Variants in CCDC171 observed in about 807,000 individuals in gnomAD.
CCDC171 encodes the protein coiled-coil domain containing 171, also known as coiled-coil domain-containing protein 171.
CCDC171 carries 177 observed loss-of-function variants against 168.2 expected under a neutral mutation model. The ratio of observed to expected loss-of-function variants is 1.05; its 90% CI spans 0.93 to 1.19. The LOEUF is 1.19. CCDC171 is among the 50% of genes most tolerant of loss of function. The pLI is 0.00. For synonymous variants in CCDC171, 687 were observed against 540.8 expected (o/e 1.27, Z -3.75); for missense variants, 1,991 against 1,539.0 (o/e 1.29, Z -4.91).
chr9:16,069,968 G>C, the CCDC171 span, among the ~76,000 whole-genome samples: 2 of 152,084 alleles, frequency 1.3e-5, no homozygotes, highest in African/African-American at 2.4e-5. Context: ...TATTCATTCT[G>C]TCCGTCTGCC....
intron 24 of CCDC171, among the ~76,000 whole-genome samples, chr9:15,914,805 G>C (rs3008691): frequency 0.75 from 113,589 of 152,002 alleles, 44,039 homozygotes; most frequent in East Asian, 0.85. Context: ...CTCCTGGTCT[G>C]GGTTGTGAAG....
intron 23 of CCDC171, among the ~76,000 whole-genome samples, chr9:15,851,692 T>A: frequency 6.6e-6 from 1 of 151,930 alleles, no homozygotes; most frequent in African/African-American, 2.4e-5. Flanking sequence ...AACATTTACA[T>A]CACTGCAAAA....
chr9:16,028,533 A>G (rs1229066034), intron 6 of CCDC171, among the ~76,000 whole-genome samples: 2 of 152,318 alleles, frequency 1.3e-5, no homozygotes, highest in Non-Finnish European at 2.9e-5. Context: ...TTTGTTGTTT[A>G]TCTGAAATAA....
chr9:16,021,077 CT>C (rs574172754), intron 4 of CCDC171, among the ~76,000 whole-genome samples: 1 of 152,196 alleles, frequency 6.6e-6, no homozygotes, highest in Non-Finnish European at 1.5e-5. Flanking sequence ...GAATTTTCCA[CT>C]TTCAATAAGA....
intron 4 of CCDC171, among the ~76,000 whole-genome samples, chr9:15,589,612 T>G (rs1191246107): frequency 6.6e-6 from 1 of 152,222 alleles, no homozygotes; most frequent in Non-Finnish European, 1.5e-5. Flanking sequence ...GAAGAGGGTT[T>G]GAAAGTTGTA....
In CCDC171 at chr9:15,664,066, TA is replaced by T. The variant is rs768208458; in HGVS notation, c.916-2096del. 8.0e-4 allele frequency among the ~76,000 whole-genome samples: 122 copies of T among 152,210 alleles called. 1 individual carries two copies. Among genetic ancestry groups the T allele is most frequent in the Admixed American group, 1.1e-3 (17 of 15,286 alleles). On this transcript the variant is annotated intron_variant, in intron 8 of 25. Coordinates refer to ENST00000380701, the MANE Select transcript of CCDC171 (RefSeq NM_173550.4). ...AATTGGGAGCTAAATAATGTGTACA[TA>T]TGGACATAGAGTGTAGATTAATAGT...
At chr9:15,689,362 G>A (rs2133641256) in intron 10 of CCDC171, among the ~76,000 whole-genome samples, 1 of 152,254 alleles carries the variant, frequency 6.6e-6, no homozygotes, top group African/African-American at 2.4e-5. Context: ...TACCACCAAT[G>A]AACTTTTAGT....
intron 1 of CCDC171, among the ~76,000 whole-genome samples, chr9:16,052,266 G>A (rs975396022): frequency 1.2e-4 from 19 of 152,186 alleles, no homozygotes; most frequent in Admixed American, 4.6e-4. Context: ...TGGTCCTGGT[G>A]TGATCCCTGC....
intron 4 of CCDC171, among the ~76,000 whole-genome samples, chr9:15,590,781 C>CTTTCT (rs2041932087): frequency 7.8e-6 from 1 of 127,782 alleles, no homozygotes; most frequent in Non-Finnish European, 1.7e-5. Flanking sequence ...CTCTTTCTTT[C>CTTTCT]TTTCTTTCTT....
chr9:15,895,402 C>T (rs1820774423), intron 24 of CCDC171, among the ~76,000 whole-genome samples: 1 of 152,024 alleles, frequency 6.6e-6, no homozygotes, highest in African/African-American at 2.4e-5. Context: ...ATCAAAAATT[C>T]ATAAGAACAT....
intron 1 of CCDC171, among the ~76,000 whole-genome samples, chr9:16,054,924 A>C (rs574605999): frequency 6.6e-6 from 1 of 152,306 alleles, no homozygotes; most frequent in East Asian, 1.9e-4. Flanking sequence ...GGGCAGGTGG[A>C]ACTACCTTGG....
chr9:15,651,563 A>G (rs957035130), intron 7 of CCDC171, among the ~76,000 whole-genome samples: 1 of 152,032 alleles, frequency 6.6e-6, no homozygotes, highest in Non-Finnish European at 1.5e-5. Context: ...AGCCGAGATT[A>G]ACTTTTTTAG....
chr9:16,009,356 G>C (rs550299033), intron 3 of CCDC171, among the ~76,000 whole-genome samples: 8 of 152,286 alleles, frequency 5.3e-5, no homozygotes, highest in African/African-American at 1.9e-4. Flanking sequence ...TTGAGGTACA[G>C]TCTCCAGGAA....
intron 25 of CCDC171, among the ~76,000 whole-genome samples, chr9:15,939,000 G>A (rs754858304): frequency 4.0e-5 from 6 of 150,802 alleles, no homozygotes; most frequent in Non-Finnish European, 5.9e-5. Context: ...AATTTTTCAC[G>A]ATCTTTTATT....
At chr9:16,107,154 T>G in the CCDC171 span, among the ~76,000 whole-genome samples, 1 of 152,128 alleles carries the variant, frequency 6.6e-6, no homozygotes, top group Non-Finnish European at 1.5e-5. Context: ...CCCTCATATA[T>G]GAATTTTCTT....
chr9:15,568,539 G>A (rs1316946147), intron 2 of CCDC171, among the ~76,000 whole-genome samples: 1 of 152,142 alleles, frequency 6.6e-6, no homozygotes, highest in Non-Finnish European at 1.5e-5. Context: ...CAAAGTGCTG[G>A]GATTACAGGC....
At chr9:15,568,090 G>A (rs2039893853) in intron 2 of CCDC171, among the ~76,000 whole-genome samples, 1 of 151,968 alleles carries the variant, frequency 6.6e-6, no homozygotes, top group Admixed American at 6.6e-5. Context: ...CTTGTATTCT[G>A]TGACCTTGCT....
chr9:15,640,078 A>C (rs1470599897), intron 7 of CCDC171, among the ~76,000 whole-genome samples: 1 of 152,198 alleles, frequency 6.6e-6, no homozygotes, highest in Non-Finnish European at 1.5e-5. Context: ...CCTATATAGT[A>C]AAATAAGTAT....
At chr9:15,615,590 A>G (rs182758662) in intron 6 of CCDC171, among the ~76,000 whole-genome samples, 10 of 152,326 alleles carry the variant, frequency 6.6e-5, no homozygotes, top group Admixed American at 2.0e-4. Context: ...ATAGTAATAT[A>G]TCACCAAAAT....
Sources: gnomAD v4.1 joint callset for allele counts (sites outside exome capture counted in the v4.1 genomes callset) on GRCh38, gnomAD v4.1.1 for gene constraint, MANE v1.5 for transcripts, NCBI Gene and HGNC (gene_info 2026-07-23, HGNC 2026-07-21) for gene names.